The following PAPPA2 variants were observed in gnomAD, a reference collection of about 807,000 sequenced individuals.
PAPPA2 encodes pappalysin 2, also known as pappalysin-2.
PAPPA2 carries 86 observed loss-of-function variants against 176.4 expected under a neutral mutation model. The ratio of observed to expected loss-of-function variants is 0.49; its 90% CI spans 0.41 to 0.58. The LOEUF (loss-of-function observed/expected upper bound fraction) is 0.58, where lower values mean the gene tolerates loss of function less well. Ranked by LOEUF, PAPPA2 falls within the 20% of genes least tolerant of loss-of-function variation. The probability of loss-of-function intolerance (pLI) is 0.00; values close to 1 mark genes in which losing one functional copy is unlikely to be tolerated. For synonymous variants in PAPPA2, 809 were observed against 852.2 expected (o/e 0.95, Z 0.88); for missense variants, 2,073 against 2,256.9 (o/e 0.92, Z 1.65).
At chr1:176,840,734 C>T (rs370904820) in intron 22 of PAPPA2, among the ~76,000 whole-genome samples, 54 of 152,284 alleles carry the variant, frequency 3.5e-4, no homozygotes, top group African/African-American at 8.7e-4. Context: ...TGGATTGTCT[C>T]GTGAGCAATT....
chr1:176,666,423 G>GA (rs1045445015), intron 3 of PAPPA2, among the ~76,000 whole-genome samples: 40 of 152,066 alleles, frequency 2.6e-4, no homozygotes, highest in African/African-American at 9.4e-4. Context: ...AATGGGAGAT[G>GA]AAAAAATTAT....
intron 21 of PAPPA2, among the ~76,000 whole-genome samples, chr1:176,820,263 T>C (rs181519090): frequency 2.8e-4 from 43 of 152,310 alleles, no homozygotes; most frequent in African/African-American, 9.9e-4. Context: ...GCCTTTTCAG[T>C]CGTATACATT....
At chr1:176,621,316 A>G (rs1211393487) in intron 3 of PAPPA2, among the ~76,000 whole-genome samples, 1 of 152,172 alleles carries the variant, frequency 6.6e-6, no homozygotes, top group East Asian at 1.9e-4. Flanking sequence ...GACAAGCCCC[A>G]AATCAGAAAG....
At chr1:176,789,085 T>A (rs1665063336) in intron 17 of PAPPA2, among the ~76,000 whole-genome samples, 3 of 152,312 alleles carry the variant, frequency 2.0e-5, no homozygotes, top group Middle Eastern at 6.8e-3. Context: ...AAGATGAAGA[T>A]CTCAGAGAAA....
rs112952887 is a variant in PAPPA2, at chr1:176,534,127, A to T, written c.-916-21280A>T. On this transcript the variant is annotated intron_variant, in intron 1 of 22. Coordinates refer to ENST00000367662, the MANE Select transcript of PAPPA2 (RefSeq NM_020318.3). ...AAAATTTAAAATTATACAAAGGGCT[A>T]TTATTGGATAGCACTGATCTGGAGA... 3.9e-5 allele frequency among the ~76,000 whole-genome samples: 6 copies of T among 152,334 alleles called. 1 individual carries two copies. The highest frequency in any genetic ancestry group is 1.4e-4 in the African/African-American group (6 of 41,578).
At position 176,843,358 on chromosome 1, in the gene PAPPA2, A is replaced by C. The variant is rs1264280144; in HGVS notation, c.*904A>C. On this transcript the variant is annotated 3_prime_UTR_variant, in exon 23 of 23. Coordinates refer to ENST00000367662, the MANE Select transcript of PAPPA2 (RefSeq NM_020318.3). ...TACCATTGGTGATGGGTCCAGGAGAACTAGACTATGGTTCTTGAATATCTG... is the reference window on the plus strand; with the variant it reads ...TACCATTGGTGATGGGTCCAGGAGACCTAGACTATGGTTCTTGAATATCTG... 6.6e-6 allele frequency: 1 copy of C among 152,126 alleles called. No homozygotes were observed. The highest frequency in any genetic ancestry group is 1.5e-5 in the Non-Finnish European group (1 of 68,020). The allele number at this position is 152,126 out of a possible 1,614,324, so 9.4% of individuals were successfully genotyped here.
At chr1:176,623,606 C>CTTTCTTTCTTT (rs1558478951) in intron 3 of PAPPA2, among the ~76,000 whole-genome samples, 5 of 112,740 alleles carry the variant, frequency 4.4e-5, no homozygotes, top group South Asian at 6.3e-4. Flanking sequence ...TTCCTTCCTT[C>CTTTCTTTCTTT]CTTCCTTCCT....
intron 1 of PAPPA2, among the ~76,000 whole-genome samples, chr1:176,543,032 C>T (rs1033769011): frequency 1.3e-5 from 2 of 152,168 alleles, no homozygotes; most frequent in Non-Finnish European, 2.9e-5. Context: ...GACTGTGGCT[C>T]CTTTCCTTGC....
At chr1:176,688,385 T>C (rs1397803947) in intron 4 of PAPPA2, among the ~76,000 whole-genome samples, 1 of 152,202 alleles carries the variant, frequency 6.6e-6, no homozygotes. Flanking sequence ...CCATTGGATA[T>C]GTAAACATGA....
chr1:176,811,240 A>G (rs937549912), intron 21 of PAPPA2, among the ~76,000 whole-genome samples: 6 of 152,180 alleles, frequency 3.9e-5, no homozygotes, highest in African/African-American at 1.4e-4. Flanking sequence ...AAAAAAACCA[A>G]TGTTCTATTT....
chr1:176,654,032 T>C (rs1558498959), intron 3 of PAPPA2, among the ~76,000 whole-genome samples: 1 of 151,842 alleles, frequency 6.6e-6, no homozygotes, highest in Non-Finnish European at 1.5e-5. Context: ...TTTCTTTTAC[T>C]GTGCAGAAGC....
chr1:176,682,338 C>T (rs529660858), intron 4 of PAPPA2, among the ~76,000 whole-genome samples: 1 of 152,158 alleles, frequency 6.6e-6, no homozygotes, highest in East Asian at 1.9e-4. Context: ...GAAGGTGATG[C>T]TTAGAGGGTG....
intron 1 of PAPPA2, among the ~76,000 whole-genome samples, chr1:176,532,796 G>A (rs781654010): frequency 1.3e-5 from 2 of 152,088 alleles, no homozygotes; most frequent in Non-Finnish European, 2.9e-5. Flanking sequence ...TTTGTTCTCG[G>A]CTCCCTAGAT....
chr1:176,532,083 C>T (rs1163734231), intron 1 of PAPPA2, among the ~76,000 whole-genome samples: 2 of 152,082 alleles, frequency 1.3e-5, no homozygotes, highest in African/African-American at 4.8e-5. Flanking sequence ...TGTGGAAGAC[C>T]CCGGCAGAAA....
Position 176,789,810 on chromosome 1 carries a change from A to G in PAPPA2, c.4717A>G (p.Lys1573Glu). The G allele has an allele frequency of 6.2e-7, 1 of 1,613,058 alleles. No individual in the cohort carries two copies. The highest frequency in any genetic ancestry group is 1.3e-5 in the African/African-American group (1 of 74,964). ...AESAEGKVRN[K>E]LLKIQCLEGG... is the part of the protein sequence containing the mutation. ...TATTTTTGTTTTATGTTTTATCAGC[A>G]AGCTCCTGAAGATACAATGCCTGGA... Residue 1573 changes from lysine (K) to glutamate (E), a missense_variant and splice_region_variant, in exon 18 of 23, where the codon AAG becomes GAG. Around this residue, in one of 4 missense-constraint regions of PAPPA2, gnomAD observed 846 missense variants for 857.9 expected, o/e 0.99. Coordinates refer to ENST00000367662, the MANE Select transcript of PAPPA2 (RefSeq NM_020318.3).
intron 3 of PAPPA2, among the ~76,000 whole-genome samples, chr1:176,646,576 C>A (rs1486985283): frequency 6.7e-6 from 1 of 149,952 alleles, no homozygotes; most frequent in African/African-American, 2.4e-5. Context: ...CATTCCCTGC[C>A]TCTGGTAATC....
At chr1:176,587,056 CAT>C (rs1249085487) in intron 2 of PAPPA2, among the ~76,000 whole-genome samples, 1 of 151,816 alleles carries the variant, frequency 6.6e-6, no homozygotes, top group Admixed American at 6.6e-5. Flanking sequence ...AGCTTTTTTT[CAT>C]ATGTTTGTTG....
intron 1 of PAPPA2, among the ~76,000 whole-genome samples, chr1:176,467,687 C>G (rs1651690038): frequency 6.6e-6 from 1 of 152,114 alleles, no homozygotes; most frequent in Admixed American, 6.6e-5. Flanking sequence ...ACAAATGGTC[C>G]CAAGTTATGC....
chr1:176,750,385 G>T (rs763661548), intron 14 of PAPPA2, among the ~76,000 whole-genome samples: 1 of 152,042 alleles, frequency 6.6e-6, no homozygotes. Flanking sequence ...CAGGAGAATC[G>T]CCTGAGTTCA....
Sources: gnomAD v4.1 joint callset for allele counts (sites outside exome capture counted in the v4.1 genomes callset) on GRCh38, gnomAD v4.1.1 for gene constraint, gnomAD v4.1.1 regional missense constraint, MANE v1.5 for transcripts, NCBI Gene and HGNC (gene_info 2026-07-23, HGNC 2026-07-21) for gene names.